KCNJ13: variants seen among roughly 807,000 people sequenced by gnomAD.
The protein encoded by KCNJ13 is potassium inwardly rectifying channel subfamily J member 13.
Under a neutral mutation model 24.6 loss-of-function variants are expected in KCNJ13, and 9 were observed. The observed-to-expected ratio is 0.37, with a 90% CI of 0.22 to 0.64. The LOEUF is 0.64. Ranked by LOEUF, KCNJ13 falls within the 30% of genes least tolerant of loss-of-function variation. The pLI, the probability that KCNJ13 is intolerant of heterozygous loss-of-function variation, is 0.64. For missense variants in KCNJ13, 337 were observed against 443.8 expected, an observed-to-expected ratio of 0.76 and a Z score of 2.16; for synonymous variants, 148 against 154.7, an observed-to-expected ratio of 0.96 and a Z score of 0.32.
At chr2:232,770,157 A>C (rs764349639) in intron 2 of KCNJ13, among the ~76,000 whole-genome samples, 2 of 152,200 alleles carry the variant, frequency 1.3e-5, no homozygotes, top group Non-Finnish European at 2.9e-5. Context: ...TTGGTAGCAC[A>C]CTGGGATTTC....
chr2:232,769,328 T>G (rs202069570), intron 2 of KCNJ13, among the ~76,000 whole-genome samples: 4 of 151,854 alleles, frequency 2.6e-5, no homozygotes, highest in African/African-American at 9.7e-5. Context: ...GTCAGGAGTT[T>G]GAGACCAGCC....
At position 232,771,356 on chromosome 2, in the gene KCNJ13, T is replaced by C. The variant is rs1386527753; in HGVS notation, c.7A>G (p.Ser3Gly). MD[S>G]SNCKVIAPLL... ...GGAGCAATAACTTTGCAATTACTGC[T>C]GTCCATCTCAGGCTGTATTTCTCTA... The change falls in exon 2 of 3, where the codon AGC becomes GGC. Residue 3 changes from serine to glycine, a missense_variant. By Grantham distance (56) the Ser-to-Gly change is moderately conservative. Coordinates refer to ENST00000233826, the MANE Select transcript of KCNJ13 (RefSeq NM_002242.4). 1.5e-5 allele frequency: 24 copies of C among 1,609,824 alleles called. No homozygotes were observed. The highest frequency in any genetic ancestry group is 2.0e-5 in the Non-Finnish European group (24 of 1,176,706).
At position 232,766,573 on chromosome 2, in the gene KCNJ13, A is replaced by G. The variant is rs1698971699; in HGVS notation, c.*1618T>C. The stretch of plus-strand genomic sequence containing the variant: ...GTGTTACAATAGTCTTGGGTTGGGA[A>G]AATCTGTTGGTCTGATTTCTACTTA... On this transcript the variant is annotated 3_prime_UTR_variant, in exon 3 of 3. Transcript: ENST00000233826. 1 of 152,324 alleles carries G rather than the reference A, an allele frequency of 6.6e-6. No individual in the cohort carries two copies. The highest frequency in any genetic ancestry group is 1.5e-5 in the Non-Finnish European group (1 of 68,138). 9.4% of individuals were successfully genotyped at this position (152,324 alleles called of 1,614,324 possible).
At position 232,766,186 on chromosome 2, in the gene KCNJ13, G is replaced by A. The variant is rs2106331839; in HGVS notation, c.*2005C>T. 6.6e-6 allele frequency among the ~76,000 whole-genome samples: 1 copy of A among 152,256 alleles called. No individual in the cohort carries two copies. Among genetic ancestry groups the A allele is most frequent in the Middle Eastern group, 3.4e-3 (1 of 294 alleles). ...GAAACTTTCTATCTCCTGCAAAAAA[G>A]TTTTGGATCACGTTTCTTATAGATT... On this transcript the variant is annotated 3_prime_UTR_variant, in exon 3 of 3. Transcript: ENST00000233826.
At position 232,776,444 on chromosome 2, in the gene KCNJ13, C is replaced by A; in HGVS notation, c.-17+1G>T. 6.2e-7 allele frequency: 1 copy of A among 1,603,172 alleles called. No individual in the cohort carries two copies. Among genetic ancestry groups the A allele is most frequent in the Non-Finnish European group, 8.5e-7 (1 of 1,172,562 alleles). On this transcript the variant is annotated splice_donor_variant, in intron 1 of 2. Coordinates refer to ENST00000233826, the MANE Select transcript of KCNJ13 (RefSeq NM_002242.4). LOFTEE classifies it low-confidence loss of function (5UTR_SPLICE). ...GAATGGATATTATTGCATGTACTCA[C>A]CAGTTCTTTTGCTGGGTCAGCCTTT...
intron 2 of KCNJ13, among the ~76,000 whole-genome samples, chr2:232,770,640 A>G (rs1003101674): frequency 6.6e-6 from 1 of 152,000 alleles, no homozygotes; most frequent in Non-Finnish European, 1.5e-5. Flanking sequence ...TATTTCTGCA[A>G]TTTAGTATCA....
chr2:232,769,893 C>T (rs548820358), intron 2 of KCNJ13, among the ~76,000 whole-genome samples: 9 of 152,212 alleles, frequency 5.9e-5, no homozygotes, highest in African/African-American at 2.2e-4. Context: ...GGTTTTAGTA[C>T]TGTGATTTTC....
rs1223452051 is a variant in KCNJ13 at position 232,765,918 on chromosome 2, T to G, written c.*2273A>C. 1 of 470,986 alleles carries G rather than the reference T, an allele frequency of 2.1e-6. No individual in the cohort carries two copies. The highest frequency in any genetic ancestry group is 6.9e-5 in the East Asian group (1 of 14,390). 29.2% of individuals were successfully genotyped at this position (470,986 alleles called of 1,614,324 possible). A position where few individuals can be genotyped will look rare whatever the true frequency, so the allele number is the denominator to read the frequency against. Reference sequence around the variant, plus strand: ...TTCCAAAGGAACGTTTAAAGTTAGTTCCGAAGTAGTCTTCCTGATCATGTG... The same window carrying G: ...TTCCAAAGGAACGTTTAAAGTTAGTGCCGAAGTAGTCTTCCTGATCATGTG... On this transcript the variant is annotated 3_prime_UTR_variant, in exon 3 of 3. Coordinates refer to ENST00000233826, the MANE Select transcript of KCNJ13 (RefSeq NM_002242.4).
intron 1 of KCNJ13, among the ~76,000 whole-genome samples, chr2:232,774,186 A>G (rs1188108460): frequency 6.6e-6 from 1 of 152,120 alleles, no homozygotes; most frequent in Non-Finnish European, 1.5e-5. Context: ...AATATTATAC[A>G]TTCTGAGTCC....
Position 232,768,721 on chromosome 2 carries a change from G to A in KCNJ13, c.553C>T (p.Pro185Ser), listed in dbSNP as rs901376453. 6.2e-7 allele frequency: 1 copy of A among 1,602,448 alleles called. No individual in the cohort carries two copies. Among genetic ancestry groups the A allele is most frequent in the Non-Finnish European group, 8.5e-7 (1 of 1,171,046 alleles). The stretch of plus-strand genomic sequence containing the variant: ...TTGGCCACTTGGAAGATAAGATTAG[G>A]TTTGCCATCCATGTGAGCTACTACT... Reference protein sequence around the residue: ...TAVVAHMDGKPNLIFQVANTR... With the variant: ...TAVVAHMDGKSNLIFQVANTR... Residue 185 changes from proline to serine, a missense_variant, in exon 3 of 3, where the codon CCT becomes TCT. By Grantham distance (74) the Pro-to-Ser change is moderately conservative (BLOSUM62 -1). Around this residue, in one of 3 missense-constraint regions of KCNJ13, gnomAD observed 235 missense variants for 286.9 expected, o/e 0.82. Coordinates refer to ENST00000233826, the MANE Select transcript of KCNJ13 (RefSeq NM_002242.4).
At chr2:232,774,118 AAAG>A (rs1699406600) in intron 1 of KCNJ13, among the ~76,000 whole-genome samples, 1 of 151,448 alleles carries the variant, frequency 6.6e-6, no homozygotes, top group South Asian at 2.1e-4. Flanking sequence ...CCTGTCTCTA[AAAG>A]AAAAAAAAAA....
chr2:232,775,179 A>G (rs1037305388), intron 1 of KCNJ13, among the ~76,000 whole-genome samples: 3 of 152,124 alleles, frequency 2.0e-5, no homozygotes, highest in Non-Finnish European at 4.4e-5. Flanking sequence ...TACCCTGAAT[A>G]ACTATTCTGT....
chr2:232,776,440 C>A lies in KCNJ13; in HGVS notation c.-17+5G>T. 1 of 1,601,786 alleles carries A rather than the reference C, an allele frequency of 6.2e-7. No individual in the cohort carries two copies. The highest frequency in any genetic ancestry group is 8.5e-7 in the Non-Finnish European group (1 of 1,171,448). On this transcript the variant is annotated splice_donor_5th_base_variant and intron_variant, in intron 1 of 2. Coordinates refer to ENST00000233826, the MANE Select transcript of KCNJ13 (RefSeq NM_002242.4). Reference sequence around the variant, plus strand: ...AGAAGAATGGATATTATTGCATGTACTCACCAGTTCTTTTGCTGGGTCAGC... The same window carrying A: ...AGAAGAATGGATATTATTGCATGTAATCACCAGTTCTTTTGCTGGGTCAGC...
intron 1 of KCNJ13, among the ~76,000 whole-genome samples, chr2:232,773,250 C>G (rs1559420252): frequency 6.6e-6 from 1 of 152,128 alleles, no homozygotes; most frequent in African/African-American, 2.4e-5. Flanking sequence ...GACCTGATCT[C>G]TACGCTTTGG....
rs1699045522 is a variant in KCNJ13 at position 232,768,030 on chromosome 2, G to A, written c.*161C>T. The A allele has an allele frequency of 3.0e-6, 2 of 671,556 alleles. No individual in the cohort carries two copies. Among genetic ancestry groups the A allele is most frequent in the South Asian group, 3.7e-5 (2 of 54,356 alleles). 41.6% of individuals were successfully genotyped at this position (671,556 alleles called of 1,614,324 possible). ...ATGTAGAGTGTTATGTTTCCAGAAT[G>A]TGTATTGTTAGCTCAGCCATTCTTA... On this transcript the variant is annotated 3_prime_UTR_variant, in exon 3 of 3. Transcript: ENST00000233826.
chr2:232,776,456 C>T lies in KCNJ13; in HGVS notation c.-28G>A, dbSNP rs1699517285. 1.3e-6 allele frequency: 2 copies of T among 1,598,706 alleles called. No individual in the cohort carries two copies. Among genetic ancestry groups the T allele is most frequent in the South Asian group, 1.1e-5 (1 of 89,434 alleles). On this transcript the variant is annotated 5_prime_UTR_variant, in exon 1 of 3. Coordinates refer to ENST00000233826, the MANE Select transcript of KCNJ13 (RefSeq NM_002242.4). The stretch of plus-strand genomic sequence containing the variant: ...TTGCATGTACTCACCAGTTCTTTTG[C>T]TGGGTCAGCCTTTATGCCAAGGTAG...
At chr2:232,768,880 A>G (rs1456944492) in intron 2 of KCNJ13, 67 bp from the exon 3 acceptor site, 2 of 1,337,248 alleles carry the variant, frequency 1.5e-6, no homozygotes, top group East Asian at 5.0e-5. Context: ...TTTCTGAATG[A>G]CAAGTGTATA....
In KCNJ13 at chr2:232,776,559, T is replaced by C; in HGVS notation, c.-131A>G. 1.2e-6 allele frequency: 1 copy of C among 803,602 alleles called. No homozygotes were observed. 49.8% of individuals were successfully genotyped at this position (803,602 alleles called of 1,614,324 possible). On this transcript the variant is annotated 5_prime_UTR_variant, in exon 1 of 3. Transcript: ENST00000233826. ...CAAGTCTAGTTTGTAGGTTCTCTTC[T>C]TGGACTGGTTTTACAGCTTACATTC... is the stretch of plus-strand genomic sequence containing the variant.
In KCNJ13 at chr2:232,768,720, G is replaced by A. The variant is rs1299470079; in HGVS notation, c.554C>T (p.Pro185Leu). 1.2e-6 allele frequency: 2 copies of A among 1,602,436 alleles called. No homozygotes were observed. Among genetic ancestry groups the A allele is most frequent in the East Asian group, 2.2e-5 (1 of 44,588 alleles). The change falls in exon 3 of 3, where the codon CCT (proline) becomes CTT (leucine). Residue 185 changes from proline to leucine, a missense_variant. Physicochemically the swap from Pro to Leu is moderately conservative, Grantham distance 98 (BLOSUM62 -3). Transcript: ENST00000233826. ...GTTGGCCACTTGGAAGATAAGATTA[G>A]GTTTGCCATCCATGTGAGCTACTAC... ...TAVVAHMDGK[P>L]NLIFQVANTR...
Sources: allele counts gnomAD v4.1 joint callset (sites outside exome capture counted in the v4.1 genomes callset), GRCh38; gene constraint gnomAD v4.1.1; regional missense constraint gnomAD v4.1.1; transcripts MANE v1.5; gene names NCBI Gene and HGNC (gene_info 2026-07-23, HGNC 2026-07-21).